PMS2: variants seen among roughly 807,000 people sequenced by gnomAD.
PMS2 encodes the protein mismatch repair endonuclease PMS2.
In PMS2, 69 loss-of-function variants were observed where a neutral mutation model predicts 90.0. The observed-to-expected ratio is 0.77, with a 90% CI of 0.63 to 0.94. The LOEUF (loss-of-function observed/expected upper bound fraction) is 0.94. PMS2 is among the 40% of genes least tolerant of loss of function. The probability of loss-of-function intolerance (pLI) is 0.00; values close to 1 mark genes in which losing one functional copy is unlikely to be tolerated. For missense variants in PMS2, 966 were observed against 1,040.2 expected (o/e 0.93, Z 0.98); for synonymous variants, 332 against 375.1 (o/e 0.89, Z 1.33).
At chr7:6,000,331 G>A (rs537373933) in intron 5 of PMS2, among the ~76,000 whole-genome samples, 2 of 146,862 alleles carry the variant, frequency 1.4e-5, no homozygotes, top group South Asian at 4.3e-4. Context: ...CTGAGATTGT[G>A]CCACTACATC....
chr7:5,977,056 GT>G (rs1341095756), intron 14 of PMS2, among the ~76,000 whole-genome samples: 3 of 140,198 alleles, frequency 2.1e-5, no homozygotes, highest in African/African-American at 7.8e-5. Context: ...AGAATTCTGG[GT>G]TTTTTTTGTT....
rs1457874590 is a variant in PMS2 at position 5,979,689 on chromosome 7, A to AT, written c.2175-994dup. 4.4e-5 allele frequency among the ~76,000 whole-genome samples: 6 copies of AT among 136,310 alleles called. 1 individual carries two copies. Among genetic ancestry groups the AT allele is most frequent in the Non-Finnish European group, 8.0e-5 (5 of 62,500 alleles). 89.4% of individuals were successfully genotyped at this position (136,310 alleles called of 152,430 possible). ...GTTTGTTTTTTTTTAACCTTTCGTT[A>AT]TTTTTTTCAAAGATAGAGACAGGGT... On this transcript the variant is annotated intron_variant, in intron 12 of 14. Coordinates refer to ENST00000265849, the MANE Select transcript of PMS2 (RefSeq NM_000535.7).
rs863224678 is a variant in PMS2, at chr7:6,002,578, C to G, written c.412G>C (p.Asp138His). 1.9e-6 allele frequency: 3 copies of G among 1,611,786 alleles called. No homozygotes were observed. The African/African-American group carries it at 4.0e-5, about 22-fold the overall frequency. ...SAKVGTRLMF[D>H]HNGKIIQKTP... ...TTCTGGATAATTTTCCCATTGTGAT[C>G]AAACATCAGTCGAGTTCCAACCTTC... Residue 138 changes from aspartate to histidine, a missense_variant, in exon 5 of 15, where the codon GAT becomes CAT. This residue lies in a region of PMS2 where 871 missense variants were observed against 802.4 expected (regional missense o/e 1.09). Transcript: ENST00000265849.
intron 1 of PMS2, among the ~76,000 whole-genome samples, chr7:6,006,707 C>T (rs1320417527): frequency 6.6e-6 from 1 of 152,044 alleles, no homozygotes; most frequent in Non-Finnish European, 1.5e-5. Flanking sequence ...CTGGGAAATA[C>T]ACAATGTTTA....
intron 6 of PMS2, 127 bp from the exon 7 acceptor site, chr7:5,997,550 TG>T: frequency 1.5e-6 from 1 of 677,018 alleles, no homozygotes; most frequent in Non-Finnish European, 2.6e-6. Context: ...TCTTTTGTTT[TG>T]TTTTGTTTTT....
At position 5,979,390 on chromosome 7, in the gene PMS2, C is replaced by CAA. The variant is rs567154323; in HGVS notation, c.2175-696_2175-695dup. Reference sequence around the variant, plus strand: ...TGGGCAACAGGGCAAGACTCTGTCTCAAAAAAAAAAAAAAAGTTCAAGTAG... The same window carrying CAA: ...TGGGCAACAGGGCAAGACTCTGTCTCAAAAAAAAAAAAAAAAAGTTCAAGTAG... On this transcript the variant is annotated intron_variant, in intron 12 of 14. Coordinates refer to ENST00000265849, the MANE Select transcript of PMS2 (RefSeq NM_000535.7). 3.1e-4 allele frequency among the ~76,000 whole-genome samples: 35 copies of CAA among 114,318 alleles called. 1 individual carries two copies. Among genetic ancestry groups the CAA allele is most frequent in the South Asian group, 1.7e-3 (6 of 3,438 alleles). The allele number at this position is 114,318 out of a possible 152,430, so 75.0% of individuals were successfully genotyped here.
At chr7:6,005,784 TTTA>T (rs1246338888) in intron 2 of PMS2, 105 bp downstream of exon 2, 9 of 1,547,106 alleles carry the variant, frequency 5.8e-6, no homozygotes, top group Non-Finnish European at 8.0e-6. Context: ...AAAATAATAA[TTTA>T]TTACTACATC....
rs190861848 is a variant in PMS2, at chr7:6,006,998, A to G, written c.24-967T>C. Among the ~76,000 whole-genome samples, 82 of 152,276 alleles carry G rather than the reference A, an allele frequency of 5.4e-4. 1 individual carries two copies. Among genetic ancestry groups the G allele is most frequent in the Admixed American group, 1.2e-3 (19 of 15,286 alleles). ...ATTTACTAGTGCCCCACTTCCTACT[A>G]TATGAAAGTTAAAATTTAGTCATCA... On this transcript the variant is annotated intron_variant, in intron 1 of 14. Transcript: ENST00000265849.
At chr7:5,992,186 T>C in intron 8 of PMS2, 129 bp from the exon 9 acceptor site, 1 of 650,782 alleles carries the variant, frequency 1.5e-6, no homozygotes, top group East Asian at 2.8e-5. Flanking sequence ...TTTTTTTTTT[T>C]TGAGTCAAGG....
In PMS2 at chr7:5,995,598, A is replaced by C. The variant is rs1159880186; in HGVS notation, c.839T>G (p.Val280Gly). The C allele has an allele frequency of 6.2e-7, 1 of 1,613,732 alleles. No homozygotes were observed. The highest frequency in any genetic ancestry group is 1.1e-5 in the South Asian group (1 of 91,060). Residue 280 changes from valine to glycine, a missense_variant, in exon 8 of 15, where the codon GTT (valine) becomes GGT (glycine). Coordinates refer to ENST00000265849, the MANE Select transcript of PMS2 (RefSeq NM_000535.7). ...CTGTCTGTCTGTTGAACTCCTTCCA[A>C]CTCCATGCGTGCATTGTGAAATGAA... is the stretch of plus-strand genomic sequence containing the variant. The part of the protein sequence containing the change: ...SGFISQCTHG[V>G]GRSSTDRQFF...
At chr7:5,993,862 CAAAAAA>C (rs61677497) in intron 8 of PMS2, among the ~76,000 whole-genome samples, 11 of 38,940 alleles carry the variant, frequency 2.8e-4, no homozygotes, top group Non-Finnish European at 4.5e-4. Flanking sequence ...GACTCTGTCT[CAAAAAA>C]AAAAAAAAAA....
intron 2 of PMS2, 107 bp from the exon 3 acceptor site, chr7:6,004,165 C>A (rs1368586199): frequency 1.4e-6 from 1 of 702,582 alleles, no homozygotes; most frequent in Non-Finnish European, 2.5e-6. Flanking sequence ...CATAACTATA[C>A]CTTTAGTTAA....
intron 12 of PMS2, among the ~76,000 whole-genome samples, chr7:5,982,585 C>G (rs1469807449): frequency 1.3e-5 from 2 of 152,176 alleles, no homozygotes; most frequent in African/African-American, 4.8e-5. Context: ...GATCTGCCTG[C>G]CTCGGCCTCC....
At position 6,001,035 on chromosome 7, in the gene PMS2, TA is replaced by T. The variant is rs1277619333; in HGVS notation, c.537+1417del. ...AAATTAGCACCAAATGCTTTACAAG[TA>T]AAAAAAGTTTTTAGCTGCATATGTT... On this transcript the variant is annotated intron_variant, in intron 5 of 14. Coordinates refer to ENST00000265849, the MANE Select transcript of PMS2 (RefSeq NM_000535.7). Among the ~76,000 whole-genome samples, 4 of 152,034 alleles carry T rather than the reference TA, an allele frequency of 2.6e-5. No homozygotes were observed. In the East Asian group the frequency reaches 7.7e-4, roughly 29 times the overall value.
At position 6,004,893 on chromosome 7, in the gene PMS2, T is replaced by A. The variant is rs944987064; in HGVS notation, c.164-835A>T. Among the ~76,000 whole-genome samples, 61 of 152,252 alleles carry A rather than the reference T, an allele frequency of 4.0e-4. 1 individual carries two copies. Among genetic ancestry groups the A allele is most frequent in the East Asian group, 7.7e-4 (4 of 5,180 alleles). On this transcript the variant is annotated intron_variant, in intron 2 of 14. Coordinates refer to ENST00000265849, the MANE Select transcript of PMS2 (RefSeq NM_000535.7). ...CTGCAGATTAATAATTCTTTGGTTT[T>A]TTTTATTTTATTATTCTTTTCTTTT...
chr7:6,008,066 C>T (rs1462127302), intron 1 of PMS2, among the ~76,000 whole-genome samples: 1 of 151,980 alleles, frequency 6.6e-6, no homozygotes. Flanking sequence ...ACCATGTTGG[C>T]CAGGCTGGTC....
At chr7:6,008,956 C>T (rs1312063272) in intron 1 of PMS2, 41 bp downstream of exon 1, 1 of 1,611,436 alleles carries the variant, frequency 6.2e-7, no homozygotes, top group East Asian at 2.2e-5. Flanking sequence ...TCAAAGAGGG[C>T]GCGCGAGAGG....
At chr7:6,008,489 C>G (rs374137233) in intron 1 of PMS2, among the ~76,000 whole-genome samples, 1 of 152,138 alleles carries the variant, frequency 6.6e-6, no homozygotes, top group Non-Finnish European at 1.5e-5. Context: ...GTGCATCATG[C>G]CTTTAATTCC....
chr7:5,991,286 G>C lies in PMS2; in HGVS notation c.988+687C>G, dbSNP rs889198238. Among the ~76,000 whole-genome samples the C allele has an allele frequency of 1.1e-4, 16 of 151,886 alleles. No individual in the cohort carries two copies. The South Asian group carries it at 3.1e-3, about 30-fold the overall frequency. On this transcript the variant is annotated intron_variant, in intron 9 of 14. Transcript: ENST00000265849. Reference sequence around the variant, plus strand: ...AGAATATGGGAGTAGGGGAGAGAGAGAGAAAGAGAGAGAGGACAGAAGATA... The same window carrying C: ...AGAATATGGGAGTAGGGGAGAGAGACAGAAAGAGAGAGAGGACAGAAGATA...
Sources: allele counts gnomAD v4.1 joint callset (sites outside exome capture counted in the v4.1 genomes callset), GRCh38; gene constraint gnomAD v4.1.1; regional missense constraint gnomAD v4.1.1; transcripts MANE v1.5; gene names NCBI Gene and HGNC (gene_info 2026-07-23, HGNC 2026-07-21).